Variants in CEBPZOS observed in about 807,000 individuals in gnomAD.
CEBPZOS encodes the protein CEBPZ opposite strand.
A neutral mutation model predicts 4.8 loss-of-function variants in CEBPZOS; 10 were observed. The ratio of observed to expected loss-of-function variants is 2.07; its 90% CI spans 1.28 to 3.52. CEBPZOS has a LOEUF of 3.52. Ranked by LOEUF, CEBPZOS falls within the 30% of genes most tolerant of loss-of-function variation. The probability of loss-of-function intolerance (pLI) is 0.00; values close to 1 mark genes in which losing one functional copy is unlikely to be tolerated. For synonymous variants in CEBPZOS, 25 were observed against 14.2 expected (o/e 1.77, Z -1.72); for missense variants, 98 against 43.6 (o/e 2.25, Z -3.51).
intron 4 of CEBPZOS, chr2:37,211,902 A>G (rs764979950): frequency 6.2e-7 from 1 of 1,612,548 alleles, no homozygotes; most frequent in Non-Finnish European, 8.5e-7. Flanking sequence ...ATCTTCATCA[A>G]CTTCAGCAAA....
At chr2:37,200,615 G>C (rs1005752128) in intron 2 of CEBPZOS, among the ~76,000 whole-genome samples, 1 of 152,132 alleles carries the variant, frequency 6.6e-6, no homozygotes, top group African/African-American at 2.4e-5. Context: ...TGGAAGGACT[G>C]CTTGAGCTCA....
rs1208306042 is a variant in CEBPZOS at position 37,201,174 on chromosome 2, G to T, written c.160+82G>T. ...AATTATGTAGTAATTTCTTTACAAG[G>T]AATTTCTAACAATACTATTCACATG... On this transcript the variant is annotated intron_variant, in intron 3 of 4. Coordinates refer to ENST00000402297, the MANE Select transcript of CEBPZOS (RefSeq NM_001322374.2). 38 of 672,300 alleles carry T rather than the reference G, an allele frequency of 5.7e-5. 1 individual carries two copies. The East Asian group carries it at 1.0e-3, about 18-fold the overall frequency. The allele number at this position is 672,300 out of a possible 1,614,324, so 41.6% of individuals were successfully genotyped here.
downstream of CEBPZOS, among the ~76,000 whole-genome samples, chr2:37,214,223 A>G (rs1191751338): frequency 1.3e-5 from 2 of 152,228 alleles, no homozygotes; most frequent in Non-Finnish European, 2.9e-5. Flanking sequence ...AGCAAAACTT[A>G]GCCATTTACA....
downstream of CEBPZOS, chr2:37,216,053 G>C (rs2148354176): frequency 9.9e-7 from 1 of 1,005,906 alleles, no homozygotes; most frequent in Non-Finnish European, 1.5e-6. Context: ...GTTTTATTCT[G>C]ATAAATTAGA....
chr2:37,212,073 G>A (rs879745181), intron 4 of CEBPZOS: 3 of 1,538,160 alleles, frequency 2.0e-6, no homozygotes, highest in South Asian at 1.3e-5. Context: ...TACAAGAGGA[G>A]GCAGTATTTT....
rs1677271811 is a variant in CEBPZOS at position 37,202,044 on chromosome 2, TTTG to T, written c.*188_*190del. 1 of 540,604 alleles carries T rather than the reference TTTG, an allele frequency of 1.8e-6. No individual in the cohort carries two copies. 33.5% of individuals were successfully genotyped at this position (540,604 alleles called of 1,614,324 possible). On this transcript the variant is annotated 3_prime_UTR_variant, in exon 5 of 5. Transcript: ENST00000402297. ...ACCCACTATACAAACCCACTGCTTG[TTTG>T]TTGCTTTTCTTCTCATATTTATTGT...
At chr2:37,200,718 G>C (rs955686291) in intron 2 of CEBPZOS, among the ~76,000 whole-genome samples, 1 of 152,006 alleles carries the variant, frequency 6.6e-6, no homozygotes, top group Non-Finnish European at 1.5e-5. Flanking sequence ...AGCTACTCGG[G>C]AGGTTGAGGT....
chr2:37,207,262 A>C (rs944203758), downstream of CEBPZOS, among the ~76,000 whole-genome samples: 2 of 152,244 alleles, frequency 1.3e-5, no homozygotes, highest in Admixed American at 6.5e-5. Context: ...GAAAGTCAAC[A>C]AAGAAACAAT....
At chr2:37,211,977 C>G in intron 4 of CEBPZOS, 1 of 1,613,310 alleles carries the variant, frequency 6.2e-7, no homozygotes, top group Non-Finnish European at 8.5e-7. Context: ...TTCATCATCA[C>G]TACCTTCTGA....
chr2:37,204,832 G>A (rs1254814839), downstream of CEBPZOS: 1 of 152,088 alleles, frequency 6.6e-6, no homozygotes, highest in African/African-American at 2.4e-5. Flanking sequence ...AATCCTTTCA[G>A]GCTAATGTCT....
chr2:37,201,486 G>C, intron 3 of CEBPZOS, 156 bp from the exon 4 acceptor site: 1 of 580,900 alleles, frequency 1.7e-6, no homozygotes, highest in Non-Finnish European at 3.1e-6. Context: ...AATGATCAGA[G>C]ATGCCAGGAC....
chr2:37,198,448 G>C (rs1235347001), intron 1 of CEBPZOS: 1 of 152,174 alleles, frequency 6.6e-6, no homozygotes, highest in East Asian at 1.9e-4. Flanking sequence ...GATATCAGCA[G>C]AATAATCCTA....
chr2:37,205,273 A>ACGCACACATCCAGATGGT (rs1178517872), downstream of CEBPZOS, among the ~76,000 whole-genome samples: 16 of 151,678 alleles, frequency 1.1e-4, no homozygotes, highest in East Asian at 3.1e-3. Flanking sequence ...TGTGACCTGC[A>ACGCACACATCCAGATGGT]CGCACACATC....
chr2:37,198,936 T>C (rs1289402499), intron 1 of CEBPZOS, among the ~76,000 whole-genome samples: 1 of 152,132 alleles, frequency 6.6e-6, no homozygotes, highest in Non-Finnish European at 1.5e-5. Context: ...GGCGGATTGC[T>C]TGAGCTCACG....
chr2:37,215,228 T>TC (rs1677840756), downstream of CEBPZOS: 1 of 261,838 alleles, frequency 3.8e-6, no homozygotes. Flanking sequence ...CTCTTACTGT[T>TC]CTTCATTTGC....
Position 37,202,990 on chromosome 2 carries a change from C to T in CEBPZOS, c.*1130C>T, listed in dbSNP as rs1345653143. 1.3e-6 allele frequency: 2 copies of T among 1,551,328 alleles called. No homozygotes were observed. Among genetic ancestry groups the T allele is most frequent in the Non-Finnish European group, 8.7e-7 (1 of 1,152,648 alleles). On this transcript the variant is annotated 3_prime_UTR_variant, in exon 5 of 5. Coordinates refer to ENST00000402297, the MANE Select transcript of CEBPZOS (RefSeq NM_001322374.2). Reference sequence around the variant, plus strand: ...AAATAGGCTGGAATCATTTAAGTTTCTTTTCTTTTTTCTTGGCCCTAAAAA... The same window carrying T: ...AAATAGGCTGGAATCATTTAAGTTTTTTTTCTTTTTTCTTGGCCCTAAAAA...
chr2:37,212,112 G>T, intron 4 of CEBPZOS: 1 of 1,287,922 alleles, frequency 7.8e-7, no homozygotes, highest in Non-Finnish European at 1.1e-6. Context: ...GACTACTAGG[G>T]CAGTAGGCTA....
intron 4 of CEBPZOS, chr2:37,210,125 T>A (rs1677673026): frequency 6.6e-6 from 1 of 152,000 alleles, no homozygotes. Context: ...TAAAAAAAAT[T>A]TCAGATGTTG....
chr2:37,208,584 A>G (rs781590779), downstream of CEBPZOS, among the ~76,000 whole-genome samples: 2 of 152,196 alleles, frequency 1.3e-5, no homozygotes, highest in African/African-American at 2.4e-5. Context: ...ATTTGACAAA[A>G]TCAAGCATCC....
Sources: allele counts gnomAD v4.1 joint callset (sites outside exome capture counted in the v4.1 genomes callset), GRCh38; gene constraint gnomAD v4.1.1; transcripts MANE v1.5; gene names NCBI Gene and HGNC (gene_info 2026-07-23, HGNC 2026-07-21).